The following SASH1 variants were observed in gnomAD, a reference collection of about 807,000 sequenced individuals.
SASH1 encodes the protein SAM and SH3 domain containing 1.
In SASH1, 44 loss-of-function variants were observed where a neutral mutation model predicts 125.2. That is an observed-to-expected ratio of 0.35 (90% CI 0.28 to 0.45). SASH1 has a LOEUF of 0.45. Ranked by LOEUF, SASH1 falls within the 20% of genes least tolerant of loss-of-function variation. The probability of loss-of-function intolerance (pLI) is 1.00; values close to 1 mark genes in which losing one functional copy is unlikely to be tolerated. For synonymous variants in SASH1, 639 were observed against 649.1 expected, an observed-to-expected ratio of 0.98 and a Z score of 0.24; for missense variants, 1,426 against 1,614.5, an observed-to-expected ratio of 0.88 and a Z score of 2.00.
chr6:148,452,968 C>T (rs1393712123), intron 4 of SASH1, among the ~76,000 whole-genome samples: 1 of 152,276 alleles, frequency 6.6e-6, no homozygotes, highest in Non-Finnish European at 1.5e-5. Context: ...ACTGCGTCCA[C>T]ACGTGTGTGT....
At chr6:148,382,501 G>T (rs937449722) in intron 1 of SASH1, among the ~76,000 whole-genome samples, 1 of 152,162 alleles carries the variant, frequency 6.6e-6, no homozygotes, top group Non-Finnish European at 1.5e-5. Context: ...TGTTGGTCAG[G>T]CTGGTCTCGA....
chr6:148,250,051 G>A, the SASH1 span, among the ~76,000 whole-genome samples: 5 of 152,144 alleles, frequency 3.3e-5, no homozygotes, highest in African/African-American at 1.2e-4. Context: ...CTTGCCCAAA[G>A]CCACACAGCC....
chr6:148,235,391 A>G, the SASH1 span, among the ~76,000 whole-genome samples: 54 of 152,334 alleles, frequency 3.5e-4, no homozygotes, highest in East Asian at 1.9e-3. Context: ...TTCTGTTACT[A>G]TCACTCCTTA....
At chr6:148,313,282 C>A (rs912043450) in intron 1 of SASH1, among the ~76,000 whole-genome samples, 1 of 152,146 alleles carries the variant, frequency 6.6e-6, no homozygotes, top group Admixed American at 6.5e-5. Flanking sequence ...AGTATTCACC[C>A]GGAGAAAATT....
chr6:148,273,251 T>A (rs1272537736), intron 1 of SASH1, among the ~76,000 whole-genome samples: 1 of 151,652 alleles, frequency 6.6e-6, no homozygotes, highest in Non-Finnish European at 1.5e-5. Context: ...CAGAGTGAGA[T>A]CTTGTCTCTT....
At chr6:148,248,365 G>C in the SASH1 span, among the ~76,000 whole-genome samples, 151 of 152,280 alleles carry the variant, frequency 9.9e-4, no homozygotes, top group Admixed American at 1.5e-3. Context: ...GGGGAAATTT[G>C]ATATGTTATT....
chr6:148,223,703 A>G, the SASH1 span, among the ~76,000 whole-genome samples: 1 of 152,234 alleles, frequency 6.6e-6, no homozygotes, highest in Non-Finnish European at 1.5e-5. Flanking sequence ...TGCAGGACAT[A>G]GCTCATGACT....
At chr6:148,218,512 C>T in the SASH1 span, among the ~76,000 whole-genome samples, 1 of 152,206 alleles carries the variant, frequency 6.6e-6, no homozygotes, top group African/African-American at 2.4e-5. Context: ...GGTTCTAACA[C>T]AACACAGCTG....
At chr6:148,442,588 C>T (rs1414708921) in intron 4 of SASH1, among the ~76,000 whole-genome samples, 1 of 150,542 alleles carries the variant, frequency 6.6e-6, no homozygotes, top group Non-Finnish European at 1.5e-5. Flanking sequence ...TTACTGCTGG[C>T]CTGTTTGAGA....
In SASH1 at chr6:148,548,674, G is replaced by C; in HGVS notation, c.*116G>C. The C allele has an allele frequency of 7.8e-7, 1 of 1,278,468 alleles. No individual in the cohort carries two copies. Among genetic ancestry groups the C allele is most frequent in the East Asian group, 2.4e-5 (1 of 42,342 alleles). 79.2% of individuals were successfully genotyped at this position (1,278,468 alleles called of 1,614,324 possible). On this transcript the variant is annotated 3_prime_UTR_variant, in exon 20 of 20. Transcript: ENST00000367467. ...AGACCAGATCCAGAAGAAAGGCCTG[G>C]CGTGTGGCCAAACAGCGTGAAACCT...
the SASH1 span, among the ~76,000 whole-genome samples, chr6:148,207,094 G>A: frequency 6.6e-6 from 1 of 152,062 alleles, no homozygotes; most frequent in African/African-American, 2.4e-5. Context: ...TTAAGCATTG[G>A]CAAAGCATCC....
chr6:148,227,516 C>T, the SASH1 span, among the ~76,000 whole-genome samples: 2 of 152,278 alleles, frequency 1.3e-5, no homozygotes, highest in South Asian at 4.2e-4. Context: ...CACCACCACA[C>T]CCAGCTAATT....
At chr6:148,244,955 T>A in the SASH1 span, among the ~76,000 whole-genome samples, 5 of 133,418 alleles carry the variant, frequency 3.7e-5, no homozygotes, top group African/African-American at 1.3e-4. Flanking sequence ...TGTGTGTGTG[T>A]GTGTGAGAGA....
chr6:148,426,466 A>G (rs11757725), intron 2 of SASH1, among the ~76,000 whole-genome samples: 9,798 of 152,190 alleles, frequency 0.064, 408 homozygotes, highest in Middle Eastern at 0.095. Context: ...TCCAGACACC[A>G]TTCTAGTGAA....
At chr6:148,443,988 C>G (rs1358299842) in intron 4 of SASH1, among the ~76,000 whole-genome samples, 3 of 152,150 alleles carry the variant, frequency 2.0e-5, no homozygotes, top group Non-Finnish European at 4.4e-5. Context: ...GAGTGGTGTT[C>G]TGTGGGCAGA....
At chr6:148,283,389 G>A (rs1224188173) in intron 1 of SASH1, 1 of 152,364 alleles carries the variant, frequency 6.6e-6, no homozygotes, top group African/African-American at 2.4e-5. Context: ...AATGTAGGCA[G>A]GGAGGTAGGG....
chr6:148,405,656 T>A (rs1583099659), intron 2 of SASH1, among the ~76,000 whole-genome samples: 1 of 152,134 alleles, frequency 6.6e-6, no homozygotes, highest in Admixed American at 6.5e-5. Flanking sequence ...GGGTCCTCAC[T>A]GCCTCTACCG....
At chr6:148,370,237 A>G (rs1782658099) in intron 1 of SASH1, among the ~76,000 whole-genome samples, 1 of 152,172 alleles carries the variant, frequency 6.6e-6, no homozygotes, top group Non-Finnish European at 1.5e-5. Context: ...ATTGTGATAT[A>G]TAGACAAAAC....
chr6:148,286,900 C>T (rs939972792), intron 1 of SASH1, among the ~76,000 whole-genome samples: 22 of 152,284 alleles, frequency 1.4e-4, no homozygotes, highest in African/African-American at 4.3e-4. Flanking sequence ...CAACCATGCA[C>T]TCACATGAAT....
Sources: gnomAD v4.1 joint callset for allele counts (sites outside exome capture counted in the v4.1 genomes callset) on GRCh38, gnomAD v4.1.1 for gene constraint, MANE v1.5 for transcripts, NCBI Gene and HGNC (gene_info 2026-07-23, HGNC 2026-07-21) for gene names.